The following CALN1 variants were observed in gnomAD, a reference collection of about 807,000 sequenced individuals.
CALN1 encodes the protein calneuron 1, also known as calcium-binding protein 8.
In CALN1, 17 loss-of-function variants were observed where a neutral mutation model predicts 30.6. The observed-to-expected ratio is 0.56, with a 90% CI of 0.38 to 0.83. The LOEUF is 0.83. CALN1 is among the 40% of genes least tolerant of loss of function. The pLI is 0.00. For missense variants in CALN1, 291 were observed against 354.9 expected, an observed-to-expected ratio of 0.82 and a Z score of 1.45; for synonymous variants, 156 against 131.4, an observed-to-expected ratio of 1.19 and a Z score of -1.28.
chr7:71,955,124 G>A (rs1049379372), intron 5 of CALN1, among the ~76,000 whole-genome samples: 3 of 152,102 alleles, frequency 2.0e-5, no homozygotes, highest in South Asian at 4.2e-4. Context: ...GGCAGAAGAC[G>A]AAGGAAAAGC....
At chr7:72,070,418 A>G (rs1804311162) in intron 4 of CALN1, among the ~76,000 whole-genome samples, 1 of 152,216 alleles carries the variant, frequency 6.6e-6, no homozygotes, top group Non-Finnish European at 1.5e-5. Context: ...CTGGCCCAGC[A>G]TTCTGTTGTT....
At chr7:72,283,582 G>T (rs1297330446) in intron 2 of CALN1, among the ~76,000 whole-genome samples, 4 of 152,206 alleles carry the variant, frequency 2.6e-5, no homozygotes, top group African/African-American at 9.7e-5. Context: ...CCAGGCATCT[G>T]CTCAGTGAGT....
chr7:72,130,472 G>A (rs376286538), intron 3 of CALN1, among the ~76,000 whole-genome samples: 14 of 152,262 alleles, frequency 9.2e-5, no homozygotes, highest in East Asian at 1.9e-4. Context: ...AGTGGGGAGC[G>A]TAGCTGCCTT....
chr7:72,051,286 G>A (rs928866746), intron 4 of CALN1, among the ~76,000 whole-genome samples: 1 of 151,820 alleles, frequency 6.6e-6, no homozygotes, highest in African/African-American at 2.4e-5. Flanking sequence ...GAAAAGCTAT[G>A]CAGCCACAAA....
At chr7:71,951,665 G>T (rs1205237828) in intron 5 of CALN1, among the ~76,000 whole-genome samples, 1 of 152,162 alleles carries the variant, frequency 6.6e-6, no homozygotes, top group Admixed American at 6.5e-5. Context: ...TCCAGCTTCT[G>T]CAAGAACTCA....
At chr7:72,126,466 GACTTCTTTTCCTTTGGGTAGGT>G (rs1182360840) in intron 3 of CALN1, among the ~76,000 whole-genome samples, 3 of 152,074 alleles carry the variant, frequency 2.0e-5, no homozygotes, top group Non-Finnish European at 4.4e-5. Flanking sequence ...CTCATACAAT[GACTTCTTTTCCTTTGGGTAGGT>G]ACTTCTTTTC....
At chr7:71,845,107 C>A (rs1790153266) in intron 5 of CALN1, among the ~76,000 whole-genome samples, 2 of 152,160 alleles carry the variant, frequency 1.3e-5, no homozygotes, top group Non-Finnish European at 2.9e-5. Flanking sequence ...TGGTCTCGAA[C>A]TCCTGACCTC....
At chr7:72,224,454 G>C (rs540874392) in intron 3 of CALN1, among the ~76,000 whole-genome samples, 5 of 152,130 alleles carry the variant, frequency 3.3e-5, no homozygotes, top group Admixed American at 3.3e-4. Context: ...ATTAAAACCC[G>C]TGAACTAAAG....
intron 3 of CALN1, among the ~76,000 whole-genome samples, chr7:72,277,524 C>T (rs113931862): frequency 4.6e-5 from 7 of 152,316 alleles, no homozygotes; most frequent in African/African-American, 1.7e-4. Flanking sequence ...CTTCAAACAT[C>T]CCCCAGACTC....
At chr7:72,213,105 C>T (rs1792528624) in intron 3 of CALN1, among the ~76,000 whole-genome samples, 1 of 152,218 alleles carries the variant, frequency 6.6e-6, no homozygotes, top group South Asian at 2.1e-4. Context: ...AGACGTGGGT[C>T]CGTTCTGGCA....
chr7:72,092,625 T>TA lies in CALN1; in HGVS notation c.388+13525dup, dbSNP rs369445548. Among the ~76,000 whole-genome samples, 449 of 106,214 alleles carry TA rather than the reference T, an allele frequency of 4.2e-3. 1 individual carries two copies. The highest frequency in any genetic ancestry group is 0.01 in the South Asian group (29 of 2,804). 69.7% of individuals were successfully genotyped at this position (106,214 alleles called of 152,430 possible). On this transcript the variant is annotated intron_variant, in intron 4 of 6. Transcript: ENST00000395275. Reference sequence around the variant, plus strand: ...TTTTGCAATGAATATTGTATTCTAGTAAAAAAAAAAAAAAAAAAAAAAAAA... The same window carrying TA: ...TTTTGCAATGAATATTGTATTCTAGTAAAAAAAAAAAAAAAAAAAAAAAAAA...
At chr7:72,389,676 T>C (rs1805453305) in intron 2 of CALN1, among the ~76,000 whole-genome samples, 1 of 152,104 alleles carries the variant, frequency 6.6e-6, no homozygotes, top group Admixed American at 6.5e-5. Flanking sequence ...TCCCAACACT[T>C]TGGGAGGCTG....
At chr7:72,148,112 AAC>A (rs1491383538) in intron 3 of CALN1, among the ~76,000 whole-genome samples, 2 of 150,110 alleles carry the variant, frequency 1.3e-5, no homozygotes, top group African/African-American at 2.5e-5. Flanking sequence ...AAAAAAAAAA[AAC>A]AACCAACCAA....
chr7:72,129,947 T>A (rs1203311051), intron 3 of CALN1, among the ~76,000 whole-genome samples: 1 of 152,150 alleles, frequency 6.6e-6, no homozygotes, highest in African/African-American at 2.4e-5. Flanking sequence ...GGGGTCTCGG[T>A]CACGAGGGCA....
chr7:71,981,808 G>A (rs977344434), intron 5 of CALN1, among the ~76,000 whole-genome samples: 13 of 152,110 alleles, frequency 8.5e-5, no homozygotes, highest in African/African-American at 3.1e-4. Flanking sequence ...AGGACTCCCG[G>A]CTTGTGTCTG....
chr7:71,855,853 T>C (rs150446179), intron 5 of CALN1, among the ~76,000 whole-genome samples: 2 of 152,310 alleles, frequency 1.3e-5, no homozygotes, highest in African/African-American at 4.8e-5. Context: ...TTGATTTCTG[T>C]AGTGGGCATT....
intron 2 of CALN1, among the ~76,000 whole-genome samples, chr7:72,360,072 G>A (rs1208857265): frequency 1.3e-5 from 2 of 149,318 alleles, no homozygotes; most frequent in African/African-American, 5.0e-5. Flanking sequence ...ACAGCTTAAA[G>A]ACCTGGCAGC....
At chr7:71,823,142 G>A (rs1418182558) in intron 5 of CALN1, among the ~76,000 whole-genome samples, 1 of 151,332 alleles carries the variant, frequency 6.6e-6, no homozygotes. Context: ...CCTCAAAGTT[G>A]TTGAAGCTTC....
chr7:72,259,540 A>C (rs940024747), intron 3 of CALN1, among the ~76,000 whole-genome samples: 2 of 152,146 alleles, frequency 1.3e-5, no homozygotes, highest in Non-Finnish European at 2.9e-5. Context: ...GTAGTTAATT[A>C]AGAGTATGGG....
Sources: allele counts gnomAD v4.1 joint callset (sites outside exome capture counted in the v4.1 genomes callset), GRCh38; gene constraint gnomAD v4.1.1; transcripts MANE v1.5; gene names NCBI Gene and HGNC (gene_info 2026-07-23, HGNC 2026-07-21).